The following NUP153 variants were observed in gnomAD, a reference collection of about 807,000 sequenced individuals.
NUP153 encodes nuclear pore complex protein Nup153.
A neutral mutation model predicts 134.6 loss-of-function variants in NUP153; 27 were observed. The observed-to-expected ratio is 0.20, with a 90% CI of 0.15 to 0.28. The LOEUF (loss-of-function observed/expected upper bound fraction) is 0.28, where lower values mean the gene tolerates loss of function less well. Ranked by LOEUF, NUP153 falls within the 10% of genes least tolerant of loss-of-function variation. The pLI, the probability that NUP153 is intolerant of heterozygous loss-of-function variation, is 1.00. For missense variants in NUP153, 1,821 were observed against 1,731.3 expected, an observed-to-expected ratio of 1.05 and a Z score of -0.92; for synonymous variants, 640 against 623.5, an observed-to-expected ratio of 1.03 and a Z score of -0.40.
intron 5 of NUP153, 42 bp downstream of exon 5, chr6:17,674,863 A>G: frequency 6.8e-7 from 1 of 1,462,718 alleles, no homozygotes; most frequent in Non-Finnish European, 9.1e-7. Context: ...AGTGTAAAAA[A>G]AAAGAAAAAA....
rs200059221 is a variant in NUP153, at chr6:17,616,572, G to A, written c.4298C>T (p.Ser1433Leu). 26 of 1,613,948 alleles carry A rather than the reference G, an allele frequency of 1.6e-5. No homozygotes were observed. Among genetic ancestry groups the A allele is most frequent in the African/African-American group, 4.0e-5 (3 of 74,920 alleles). The change falls in exon 21 of 22, where the codon TCG (serine) becomes TTG (leucine). Residue 1433 changes from serine (S) to leucine (L), a missense_variant. Transcript: ENST00000262077. ...TPAASAQPSG[S>L]GGFPFNQSPA... The stretch of plus-strand genomic sequence containing the variant: ...AGACTGGTTAAATGGAAAGCCCCCC[G>A]AGCCTGAAGGCTGGGCTGAGGCTGC...
Position 17,665,289 on chromosome 6 carries a change from G to A in NUP153, c.1165C>T (p.Pro389Ser), listed in dbSNP as rs748099017. The stretch of plus-strand genomic sequence containing the variant: ...TTAGTCTTCCTGAATTCACCAGAAG[G>A]AGTCAGAGATGGTTTAAAATAAACA... ...RSVYFKPSLTPSGEFRKTNQR... is the reference protein window; with the variant it reads ...RSVYFKPSLTSSGEFRKTNQR... Residue 389 changes from proline to serine, a missense_variant, in exon 9 of 22, where the codon CCT (proline) becomes TCT (serine). Physicochemically the swap from Pro to Ser is moderately conservative, Grantham distance 74. Coordinates refer to ENST00000262077, the MANE Select transcript of NUP153 (RefSeq NM_005124.4). 5 of 1,611,630 alleles carry A rather than the reference G, an allele frequency of 3.1e-6. No homozygotes were observed. The highest frequency in any genetic ancestry group is 2.5e-6 in the Non-Finnish European group (3 of 1,177,958).
At chr6:17,616,225 C>A in intron 21 of NUP153, 44 bp from the exon 22 acceptor site, 1 of 1,095,284 alleles carries the variant, frequency 9.1e-7, no homozygotes, top group East Asian at 6.1e-5. Context: ...ATGCTCTGAG[C>A]AAAATTTCCA....
intron 20 of NUP153, among the ~76,000 whole-genome samples, chr6:17,621,750 TAGAA>T (rs2113762607): frequency 6.6e-6 from 1 of 152,244 alleles, no homozygotes; most frequent in African/African-American, 2.4e-5. Flanking sequence ...TATAGCTAGA[TAGAA>T]GGAATAAATT....
intron 16 of NUP153, among the ~76,000 whole-genome samples, chr6:17,633,694 C>T (rs1159536701): frequency 6.6e-6 from 1 of 152,170 alleles, no homozygotes; most frequent in African/African-American, 2.4e-5. Context: ...ACAGGAAGAA[C>T]GGCTTGGTAA....
chr6:17,651,695 A>G (rs989746126), intron 11 of NUP153: 5 of 386,420 alleles, frequency 1.3e-5, no homozygotes, highest in Non-Finnish European at 1.8e-5. Context: ...TATTTCCAAA[A>G]GTTTTTTTTA....
At position 17,675,469 on chromosome 6, in the gene NUP153, C is replaced by G. The variant is rs1768165447; in HGVS notation, c.583+53G>C. 6.3e-7 allele frequency: 1 copy of G among 1,587,330 alleles called. No individual in the cohort carries two copies. Among genetic ancestry groups the G allele is most frequent in the Admixed American group, 1.8e-5 (1 of 55,558 alleles). ...TTACAACCAAGTCAGAAAAAAAACC[C>G]ATAAAATTTAATGTTACTACCCAAA... On this transcript the variant is annotated intron_variant, in intron 3 of 21. Transcript: ENST00000262077. The surrounding 1 kb of genome is among the most constrained non-coding windows in gnomAD (Gnocchi z 4.4).
rs767460551 is a variant in NUP153 at position 17,628,815 on chromosome 6, C to G, written c.3384G>C (p.Lys1128Asn). 13 of 1,614,044 alleles carry G rather than the reference C, an allele frequency of 8.1e-6. No homozygotes were observed. The Admixed American group carries it at 1.5e-4, about 19-fold the overall frequency. Residue 1128 changes from lysine to asparagine, a missense_variant, in exon 18 of 22, where the codon AAG becomes AAC. Coordinates refer to ENST00000262077, the MANE Select transcript of NUP153 (RefSeq NM_005124.4). This position sits in a 1 kb window ranked among gnomAD's most constrained non-coding sequence, Gnocchi z 5.4. ...TCCCAAAGGAAAACACTGGTTGACA[C>G]TTTGGCTCTTCATTGTCAGCTTTCT... ...FGKKADNEEPKCQPVFSFGNS... is the reference protein window; with the variant it reads ...FGKKADNEEPNCQPVFSFGNS...
At chr6:17,659,458 C>T (rs545600112) in intron 11 of NUP153, among the ~76,000 whole-genome samples, 3 of 152,018 alleles carry the variant, frequency 2.0e-5, no homozygotes, top group African/African-American at 7.2e-5. Flanking sequence ...GGTAAGACAG[C>T]CCATTTCTTT....
At chr6:17,634,762 T>G (rs577390410) in intron 16 of NUP153, among the ~76,000 whole-genome samples, 2 of 152,256 alleles carry the variant, frequency 1.3e-5, no homozygotes, top group Admixed American at 1.3e-4. Flanking sequence ...GAATGTTGAC[T>G]TCAGCAGCTT....
chr6:17,685,655 T>C (rs1302273272), intron 2 of NUP153, among the ~76,000 whole-genome samples: 2 of 152,006 alleles, frequency 1.3e-5, no homozygotes, highest in Non-Finnish European at 2.9e-5. Context: ...AAGGCCTTAG[T>C]GCAATGCATT....
intron 20 of NUP153, among the ~76,000 whole-genome samples, chr6:17,617,208 A>G (rs568628522): frequency 1.3e-5 from 2 of 152,288 alleles, no homozygotes; most frequent in East Asian, 3.9e-4. Context: ...CTTACCTATG[A>G]CCAAGGGGAA....
At position 17,706,380 on chromosome 6, in the gene NUP153, G is replaced by A. The variant is rs756053389; in HGVS notation, c.8C>T (p.Ser3Leu). ...GCCCCCTCCGACTCCTCCGGCTCCC[G>A]AGGCCATGGCGGAGCCTCCGCCGCT... MA[S>L]GAGGVGGGGG... The change falls in exon 1 of 22, where the codon TCG (serine) becomes TTG (leucine). Residue 3 changes from serine (S) to leucine (L), a missense_variant. Physicochemically the swap from Ser to Leu is moderately radical, Grantham distance 145. Coordinates refer to ENST00000262077, the MANE Select transcript of NUP153 (RefSeq NM_005124.4). The surrounding 1 kb of genome is among the most constrained non-coding windows in gnomAD (Gnocchi z 5.9). The A allele has an allele frequency of 1.4e-5, 22 of 1,611,500 alleles. No homozygotes were observed. The highest frequency in any genetic ancestry group is 1.7e-5 in the Non-Finnish European group (20 of 1,179,346).
intron 14 of NUP153, among the ~76,000 whole-genome samples, chr6:17,644,214 T>G (rs6913935): frequency 0.44 from 67,467 of 151,906 alleles, 15,881 homozygotes; most frequent in Middle Eastern, 0.74. Context: ...GAGGATCTAG[T>G]TTTTAAAAAT....
Position 17,616,174 on chromosome 6 carries a change from CATTTGACCT to C in NUP153, c.4344-2_4350del. 6.3e-7 allele frequency: 1 copy of C among 1,576,472 alleles called. No individual in the cohort carries two copies. Among genetic ancestry groups the C allele is most frequent in the Non-Finnish European group, 8.6e-7 (1 of 1,158,608 alleles). Reference sequence around the variant, plus strand: ...CCAGAAGAAGAGAACACATTTTTCCCATTTGACCTGTGAAAAATAAAAACTTCATAATGT... The same window carrying C: ...CCAGAAGAAGAGAACACATTTTTCCCGTGAAAAATAAAAACTTCATAATGT... On this transcript the variant is annotated splice_acceptor_variant and coding_sequence_variant, in exon 22 of 22. Transcript: ENST00000262077. LOFTEE classifies it high-confidence loss of function.
chr6:17,667,304 T>C (rs1261611360), intron 8 of NUP153, among the ~76,000 whole-genome samples: 1 of 152,214 alleles, frequency 6.6e-6, no homozygotes, highest in East Asian at 1.9e-4. Flanking sequence ...TTTCTTTGCA[T>C]CAGAATTTCA....
At chr6:17,651,158 T>C (rs1766474761) in intron 11 of NUP153, among the ~76,000 whole-genome samples, 1 of 151,902 alleles carries the variant, frequency 6.6e-6, no homozygotes. Context: ...AACAAAAAAC[T>C]AGCCAGGTGC....
chr6:17,627,499 T>C (rs1043199774), intron 18 of NUP153, among the ~76,000 whole-genome samples: 1 of 152,172 alleles, frequency 6.6e-6, no homozygotes, highest in Non-Finnish European at 1.5e-5. Context: ...TTTTTTGTTG[T>C]TGTTGGGTTT....
chr6:17,685,342 T>C (rs1768856007), intron 2 of NUP153, among the ~76,000 whole-genome samples: 1 of 151,680 alleles, frequency 6.6e-6, no homozygotes, highest in Admixed American at 6.6e-5. Flanking sequence ...GGTCAGGAGA[T>C]CAAAACCATC....
Sources: allele counts gnomAD v4.1 joint callset (sites outside exome capture counted in the v4.1 genomes callset), GRCh38; gene constraint gnomAD v4.1.1; non-coding constraint Gnocchi (gnomAD v3.1); transcripts MANE v1.5; gene names NCBI Gene and HGNC (gene_info 2026-07-23, HGNC 2026-07-21).